TMEM67: variants seen among roughly 807,000 people sequenced by gnomAD.
TMEM67 encodes the protein transmembrane protein 67.
Under a neutral mutation model 136.6 loss-of-function variants are expected in TMEM67, and 124 were observed. The observed-to-expected ratio is 0.91, with a 90% CI of 0.78 to 1.05. The LOEUF (loss-of-function observed/expected upper bound fraction) is 1.05. Among genes scored for constraint, TMEM67 ranks in the 50% least tolerant of loss-of-function variants. The pLI is 0.00. For synonymous variants in TMEM67, 364 were observed against 390.5 expected (o/e 0.93, Z 0.80); for missense variants, 1,107 against 1,178.4 (o/e 0.94, Z 0.89).
Position 93,754,950 on chromosome 8 carries a change from G to C in TMEM67, c.36G>C (p.Ala12=), listed in dbSNP as rs766615868. 6.2e-7 allele frequency: 1 copy of C among 1,614,118 alleles called. No individual in the cohort carries two copies. Among genetic ancestry groups the C allele is most frequent in the Non-Finnish European group, 8.5e-7 (1 of 1,180,034 alleles). Residue 12 remains alanine (A), a synonymous_variant, in exon 1 of 28, where the codon GCG becomes GCC. Coordinates refer to ENST00000453321, the MANE Select transcript of TMEM67 (RefSeq NM_153704.6). ...ATRGGAGVAM[A]VWSLLSARAV... ...GCGGTGGGGCTGGGGTGGCAATGGC[G>C]GTTTGGTCCCTCTTATCCGCCCGGG... is the stretch of plus-strand genomic sequence containing the variant.
At position 93,816,457 on chromosome 8, in the gene TMEM67, C is replaced by T. The variant is rs750254911; in HGVS notation, c.*5C>T. 1.9e-6 allele frequency: 3 copies of T among 1,541,212 alleles called. No individual in the cohort carries two copies. The highest frequency in any genetic ancestry group is 4.5e-5 in the East Asian group (2 of 44,264). ...GATCAAAGATTTTTGATTTAACTTC[C>T]TGAATAAATAACTTAAAGACTCAGT... On this transcript the variant is annotated 3_prime_UTR_variant, in exon 28 of 28. Transcript: ENST00000453321.
intron 14 of TMEM67, among the ~76,000 whole-genome samples, chr8:93,790,374 A>G (rs1313801318): frequency 3.3e-5 from 5 of 152,200 alleles, no homozygotes; most frequent in South Asian, 2.1e-4. Context: ...TCCTAAACTA[A>G]TCTTCTATCT....
chr8:93,814,348 C>T (rs1203967739), intron 26 of TMEM67, among the ~76,000 whole-genome samples: 1 of 151,250 alleles, frequency 6.6e-6, no homozygotes, highest in East Asian at 1.9e-4. Context: ...ACCGTGTTAG[C>T]CAGGATAGTC....
chr8:93,767,950 C>G (rs1208380077), intron 6 of TMEM67, among the ~76,000 whole-genome samples: 1 of 150,460 alleles, frequency 6.6e-6, no homozygotes, highest in African/African-American at 2.5e-5. Flanking sequence ...ACCGCAACCT[C>G]CACCTCCCGG....
At chr8:93,768,426 A>G (rs1306168432) in intron 6 of TMEM67, among the ~76,000 whole-genome samples, 1 of 151,944 alleles carries the variant, frequency 6.6e-6, no homozygotes, top group African/African-American at 2.4e-5. Flanking sequence ...AGTCTGGCCA[A>G]TATGGTAAAA....
At chr8:93,786,115 A>G (rs562051637) in intron 12 of TMEM67, 108 bp from the exon 13 acceptor site, 17 of 1,039,414 alleles carry the variant, frequency 1.6e-5, no homozygotes, top group Non-Finnish European at 2.2e-5. Flanking sequence ...AGAGAACGCC[A>G]TTGTCAGGTG....
chr8:93,828,294 T>C, the TMEM67 span, among the ~76,000 whole-genome samples: 1 of 152,172 alleles, frequency 6.6e-6, no homozygotes, highest in South Asian at 2.1e-4. Flanking sequence ...TTCAGTGTTT[T>C]CAGAGAAGAC....
intron 2 of TMEM67, among the ~76,000 whole-genome samples, chr8:93,757,902 A>G (rs1161123099): frequency 6.6e-6 from 1 of 151,910 alleles, no homozygotes; most frequent in African/African-American, 2.4e-5. Flanking sequence ...GATTATAGGC[A>G]TACACCACCA....
chr8:93,798,482 T>C (rs1460794775), intron 20 of TMEM67, among the ~76,000 whole-genome samples: 3 of 152,260 alleles, frequency 2.0e-5, no homozygotes, highest in Non-Finnish European at 4.4e-5. Context: ...CACAACATGT[T>C]TGTGATACAT....
At chr8:93,768,746 C>G (rs778145967) in intron 6 of TMEM67, among the ~76,000 whole-genome samples, 13 of 151,970 alleles carry the variant, frequency 8.6e-5, no homozygotes, top group Non-Finnish European at 1.8e-4. Flanking sequence ...GGTTCATTAT[C>G]CTCAATTTAT....
At position 93,782,539 on chromosome 8, in the gene TMEM67, A is replaced by G. The variant is rs189940512; in HGVS notation, c.1131+79A>G. The G allele has an allele frequency of 0.016, 17,081 of 1,098,190 alleles. 207 individuals carry two copies. The highest frequency in any genetic ancestry group is 0.018 in the Non-Finnish European group (13,657 of 750,566). The allele number at this position is 1,098,190 out of a possible 1,614,324, so 68.0% of individuals were successfully genotyped here. A position where few individuals can be genotyped will look rare whatever the true frequency, so the allele number is the denominator to read the frequency against. ...GTCAGCAGTAATTGGAATAATACTT[A>G]AATTTTTGAGATTGGAAATTTTTTA... On this transcript the variant is annotated intron_variant, in intron 11 of 27. Coordinates refer to ENST00000453321, the MANE Select transcript of TMEM67 (RefSeq NM_153704.6).
chr8:93,782,882 T>C (rs1813911417), intron 11 of TMEM67, among the ~76,000 whole-genome samples: 1 of 152,154 alleles, frequency 6.6e-6, no homozygotes, highest in African/African-American at 2.4e-5. Context: ...GCCGGAAATG[T>C]TTTTAATAGT....
intron 6 of TMEM67, among the ~76,000 whole-genome samples, chr8:93,767,993 G>GT (rs944218016): frequency 5.3e-5 from 8 of 150,730 alleles, no homozygotes; most frequent in African/African-American, 2.0e-4. Context: ...CGCCTCCCAA[G>GT]TAGCTGGGAT....
At position 93,795,800 on chromosome 8, in the gene TMEM67, C is replaced by T. The variant is rs995060600; in HGVS notation, c.1774-101C>T. On this transcript the variant is annotated intron_variant, in intron 17 of 27. Coordinates refer to ENST00000453321, the MANE Select transcript of TMEM67 (RefSeq NM_153704.6). ...GTCCTGCCCGGGCAGCATACTGAGACCCTCCTTTCCCAAAAAAAAACAAAA... is the reference window on the plus strand; with the variant it reads ...GTCCTGCCCGGGCAGCATACTGAGATCCTCCTTTCCCAAAAAAAAACAAAA... The T allele has an allele frequency of 1.7e-5, 15 of 892,170 alleles. No homozygotes were observed. The East Asian group carries it at 2.0e-4, about 12-fold the overall frequency. The allele number at this position is 892,170 out of a possible 1,614,324, so 55.3% of individuals were successfully genotyped here. A position where few individuals can be genotyped will look rare whatever the true frequency, so the allele number is the denominator to read the frequency against.
At chr8:93,797,539 C>A in intron 20 of TMEM67, 69 bp downstream of exon 20, 1 of 1,466,760 alleles carries the variant, frequency 6.8e-7, no homozygotes, top group Non-Finnish European at 9.5e-7. Flanking sequence ...AATATAATTC[C>A]AACTAAGTTT....
At chr8:93,824,522 A>G in the TMEM67 span, among the ~76,000 whole-genome samples, 1 of 152,182 alleles carries the variant, frequency 6.6e-6, no homozygotes, top group African/African-American at 2.4e-5. Flanking sequence ...TCGGTTATAA[A>G]GCTGCAGGAA....
intron 20 of TMEM67, among the ~76,000 whole-genome samples, 197 bp from the exon 21 acceptor site, chr8:93,799,421 A>G (rs1161261923): frequency 6.6e-6 from 1 of 152,196 alleles, no homozygotes; most frequent in Admixed American, 6.5e-5. Context: ...CAAATGAGCT[A>G]ACTAAATATT....
chr8:93,807,151 A>G (rs1815189003), intron 23 of TMEM67, among the ~76,000 whole-genome samples: 1 of 152,132 alleles, frequency 6.6e-6, no homozygotes, highest in South Asian at 2.1e-4. Context: ...TCAAGGACAC[A>G]GTGAAATGGG....
chr8:93,792,902 A>G (rs1814445836), intron 15 of TMEM67, among the ~76,000 whole-genome samples: 2 of 151,430 alleles, frequency 1.3e-5, no homozygotes, highest in South Asian at 2.1e-4. Context: ...CCTCCCCAGT[A>G]GCTGGGACTA....
Sources: gnomAD v4.1 joint callset for allele counts (sites outside exome capture counted in the v4.1 genomes callset) on GRCh38, gnomAD v4.1.1 for gene constraint, MANE v1.5 for transcripts, NCBI Gene and HGNC (gene_info 2026-07-23, HGNC 2026-07-21) for gene names.